Variants in SSBP2 observed in about 807,000 individuals in gnomAD.
SSBP2 encodes single-stranded DNA-binding protein 2.
A neutral mutation model predicts 61.8 loss-of-function variants in SSBP2; 17 were observed. That is an observed-to-expected ratio of 0.28 (90% confidence interval 0.19 to 0.41). SSBP2 has a LOEUF of 0.41. Ranked by LOEUF, SSBP2 falls within the 10% of genes least tolerant of loss-of-function variation. The probability of loss-of-function intolerance (pLI) is 1.00; values close to 1 mark genes in which losing one functional copy is unlikely to be tolerated. For missense variants in SSBP2, 310 were observed against 458.7 expected, an observed-to-expected ratio of 0.68 and a Z score of 2.96; for synonymous variants, 139 against 141.3, an observed-to-expected ratio of 0.98 and a Z score of 0.12.
rs1341631036 is a variant in SSBP2, at chr5:81,617,931, C to A, written c.198-2374G>T. On this transcript the variant is annotated intron_variant, in intron 3 of 16. Coordinates refer to ENST00000320672, the MANE Select transcript of SSBP2 (RefSeq NM_012446.5). ...AGATTTTGTCACCACCAGGCCTGCC[C>A]TAAAAGAGCTCCTGAAGCAAGCGCT... is the stretch of plus-strand genomic sequence containing the variant. Among the ~76,000 whole-genome samples, 4 of 136,484 alleles carry A rather than the reference C, an allele frequency of 2.9e-5. 1 individual carries two copies. The highest frequency in any genetic ancestry group is 7.4e-5 in the Admixed American group (1 of 13,484). The allele number at this position is 136,484 out of a possible 152,430, so 89.5% of individuals were successfully genotyped here. A position where few individuals can be genotyped will look rare whatever the true frequency, so the allele number is the denominator to read the frequency against.
At chr5:81,533,682 G>A (rs888760552) in intron 4 of SSBP2, among the ~76,000 whole-genome samples, 1 of 152,078 alleles carries the variant, frequency 6.6e-6, no homozygotes, top group Non-Finnish European at 1.5e-5. Context: ...CCCAAAACTG[G>A]AGAGACAAAC....
intron 1 of SSBP2, among the ~76,000 whole-genome samples, chr5:81,652,309 C>T (rs1282219493): frequency 1.3e-5 from 2 of 152,088 alleles, no homozygotes; most frequent in Admixed American, 1.3e-4. Context: ...TTAGAAGCTT[C>T]TAAGTTTTCT....
At chr5:81,451,068 T>A (rs1046070810) in intron 10 of SSBP2, among the ~76,000 whole-genome samples, 7 of 152,176 alleles carry the variant, frequency 4.6e-5, no homozygotes, top group African/African-American at 1.7e-4. Context: ...AAGCCCTGAT[T>A]TATAGTATTT....
intron 1 of SSBP2, among the ~76,000 whole-genome samples, chr5:81,699,286 T>A (rs547160555): frequency 1.3e-5 from 2 of 152,202 alleles, no homozygotes. Flanking sequence ...GTCTGCTGCA[T>A]TGATTGACTC....
chr5:81,663,613 T>C (rs1480435416), intron 1 of SSBP2, among the ~76,000 whole-genome samples: 1 of 152,222 alleles, frequency 6.6e-6, no homozygotes. Flanking sequence ...TTATGAACTA[T>C]GCATAAATAT....
chr5:81,536,387 G>A (rs1429589005), intron 4 of SSBP2, among the ~76,000 whole-genome samples: 2 of 151,924 alleles, frequency 1.3e-5, no homozygotes, highest in African/African-American at 2.4e-5. Flanking sequence ...TGTGTCATGG[G>A]GGTTCGTTGT....
chr5:81,668,245 G>GT (rs1230230794), intron 1 of SSBP2, among the ~76,000 whole-genome samples: 2 of 54,758 alleles, frequency 3.7e-5, no homozygotes, highest in Non-Finnish European at 6.7e-5. Context: ...TTATATGGAA[G>GT]TTTAAAAAAA....
At chr5:81,442,377 GT>G (rs1763090942) in intron 13 of SSBP2, among the ~76,000 whole-genome samples, 1 of 151,886 alleles carries the variant, frequency 6.6e-6, no homozygotes. Context: ...TTTTCAAATA[GT>G]ATATATCATT....
chr5:81,719,162 C>A (rs1020136286), intron 1 of SSBP2, among the ~76,000 whole-genome samples: 1 of 152,140 alleles, frequency 6.6e-6, no homozygotes, highest in African/African-American at 2.4e-5. Flanking sequence ...GGTTTCAACA[C>A]AAAGTATGAC....
intron 1 of SSBP2, among the ~76,000 whole-genome samples, chr5:81,695,202 C>G (rs906538847): frequency 1.3e-5 from 2 of 152,134 alleles, no homozygotes; most frequent in African/African-American, 4.8e-5. Context: ...AAATCACTTA[C>G]TAAAACTGAG....
intron 1 of SSBP2, among the ~76,000 whole-genome samples, chr5:81,737,372 T>C (rs991915641): frequency 6.6e-6 from 1 of 151,322 alleles, no homozygotes; most frequent in African/African-American, 2.4e-5. Context: ...GTGAAGGCTG[T>C]CCACATTTGA....
intron 1 of SSBP2, among the ~76,000 whole-genome samples, chr5:81,712,121 C>G (rs1459279470): frequency 6.7e-6 from 1 of 149,412 alleles, no homozygotes; most frequent in Non-Finnish European, 1.5e-5. Context: ...AAATTATGGT[C>G]TAAGTAAGTC....
rs754484544 is a variant in SSBP2 at position 81,703,058 on chromosome 5, A to G, written c.62+47923T>C. Among the ~76,000 whole-genome samples the G allele has an allele frequency of 1.2e-4, 18 of 152,304 alleles. No individual in the cohort carries two copies. In the South Asian group the frequency reaches 1.2e-3, roughly 11 times the overall value. ...TTATTCTTTTTATTCCTTTTTGCCC[A>G]TATCTTATTCAGTATTCTTTGTGTG... is the stretch of plus-strand genomic sequence containing the variant. On this transcript the variant is annotated intron_variant, in intron 1 of 16. Transcript: ENST00000320672.
chr5:81,725,747 A>G, intron 1 of SSBP2, among the ~76,000 whole-genome samples: 1 of 152,280 alleles, frequency 6.6e-6, no homozygotes, highest in East Asian at 1.9e-4. Context: ...ATACAGTTTT[A>G]AAAAGTCTCA....
chr5:81,447,589 A>G (rs989989156), intron 11 of SSBP2, among the ~76,000 whole-genome samples: 4 of 152,236 alleles, frequency 2.6e-5, no homozygotes, highest in African/African-American at 9.6e-5. Context: ...CAGATGCTCT[A>G]TGTACAGCAA....
chr5:81,667,937 T>C (rs1751285090), intron 1 of SSBP2, among the ~76,000 whole-genome samples: 1 of 152,150 alleles, frequency 6.6e-6, no homozygotes, highest in Non-Finnish European at 1.5e-5. Context: ...AGAATTCAAC[T>C]GATGGCAAAA....
At chr5:81,425,753 T>C (rs1761911893) in intron 16 of SSBP2, among the ~76,000 whole-genome samples, 1 of 152,118 alleles carries the variant, frequency 6.6e-6, no homozygotes, top group Non-Finnish European at 1.5e-5. Flanking sequence ...AGTGAAACAT[T>C]TTTTGATTCG....
chr5:81,594,952 C>G (rs1313875199), intron 4 of SSBP2, among the ~76,000 whole-genome samples: 1 of 152,106 alleles, frequency 6.6e-6, no homozygotes, highest in Non-Finnish European at 1.5e-5. Context: ...CAAGAGCAAA[C>G]ACGTTCAAAA....
At chr5:81,479,041 T>C (rs1765792273) in intron 6 of SSBP2, among the ~76,000 whole-genome samples, 1 of 152,218 alleles carries the variant, frequency 6.6e-6, no homozygotes, top group South Asian at 2.1e-4. Flanking sequence ...TATCTAAATT[T>C]AACTTTTTAC....
Sources: gnomAD v4.1 joint callset for allele counts (sites outside exome capture counted in the v4.1 genomes callset) on GRCh38, gnomAD v4.1.1 for gene constraint, MANE v1.5 for transcripts, NCBI Gene and HGNC (gene_info 2026-07-23, HGNC 2026-07-21) for gene names.